PDE11A: variants seen among roughly 807,000 people sequenced by gnomAD.
PDE11A encodes the protein phosphodiesterase 11A.
In PDE11A, 100 loss-of-function variants were observed where a neutral mutation model predicts 100.5. The observed-to-expected ratio is 1.00, with a 90% CI of 0.85 to 1.18. The LOEUF (loss-of-function observed/expected upper bound fraction) is 1.18, where lower values mean the gene tolerates loss of function less well. Among genes scored for constraint, PDE11A ranks in the 50% most tolerant of loss-of-function variants. The pLI is 0.00. For missense variants in PDE11A, 1,141 were observed against 1,152.6 expected (o/e 0.99, Z 0.15); for synonymous variants, 381 against 420.8 (o/e 0.91, Z 1.16).
chr2:177,696,681 A>G (rs1187305460), intron 15 of PDE11A, among the ~76,000 whole-genome samples: 3 of 152,204 alleles, frequency 2.0e-5, no homozygotes, highest in African/African-American at 7.2e-5. Context: ...TAAAAAAGCA[A>G]TTAAAGATCT....
At chr2:177,942,035 A>C (rs1468920880) in intron 2 of PDE11A, among the ~76,000 whole-genome samples, 1 of 152,190 alleles carries the variant, frequency 6.6e-6, no homozygotes, top group East Asian at 1.9e-4. Flanking sequence ...TTCTGTAATG[A>C]GGGCCTTCCT....
rs2081363155 is a variant in PDE11A, at chr2:177,711,827, C to T, written c.2095G>A (p.Val699Met). The T allele has an allele frequency of 1.2e-6, 2 of 1,613,230 alleles. No homozygotes were observed. Among genetic ancestry groups the T allele is most frequent in the Admixed American group, 1.7e-5 (1 of 60,006 alleles). The stretch of plus-strand genomic sequence containing the variant: ...TCGAGGTCATGACACAGGCATCCCA[C>T]AATCACCGCTAAAATTTCCACCTCG... ...LTEVEILAVI[V>M]GCLCHDLDHR... The change falls in exon 13 of 20, where the codon GTG becomes ATG. Residue 699 changes from valine (V) to methionine (M), a missense_variant. Transcript: ENST00000286063.
At chr2:177,813,469 AT>A (rs536474349) in intron 9 of PDE11A, among the ~76,000 whole-genome samples, 150 of 151,928 alleles carry the variant, frequency 9.9e-4, no homozygotes, top group Non-Finnish European at 1.3e-3. Context: ...TTAAAGCCCT[AT>A]TTTTTTTAAG....
chr2:177,928,104 C>CAAAAAAA (rs59085357), intron 2 of PDE11A, among the ~76,000 whole-genome samples: 17 of 56,406 alleles, frequency 3.0e-4, no homozygotes, highest in African/African-American at 4.7e-4. Context: ...AACTCCATCT[C>CAAAAAAA]AAAAAAAAAA....
At chr2:177,782,890 C>T (rs1163012919) in intron 9 of PDE11A, among the ~76,000 whole-genome samples, 1 of 149,904 alleles carries the variant, frequency 6.7e-6, no homozygotes, top group East Asian at 2.0e-4. Flanking sequence ...TCTCCACTTG[C>T]TTTCTGAAAA....
At chr2:177,740,049 G>A (rs556519531) in intron 10 of PDE11A, among the ~76,000 whole-genome samples, 1 of 152,250 alleles carries the variant, frequency 6.6e-6, no homozygotes, top group East Asian at 1.9e-4. Context: ...TACACACTTC[G>A]TTTTTAATCT....
At chr2:177,658,232 T>C (rs1442064298) in intron 19 of PDE11A, among the ~76,000 whole-genome samples, 1 of 152,112 alleles carries the variant, frequency 6.6e-6, no homozygotes, top group African/African-American at 2.4e-5. Context: ...GGTACCTAGA[T>C]GTCAGCTGGG....
intron 9 of PDE11A, among the ~76,000 whole-genome samples, chr2:177,789,673 T>A (rs902650422): frequency 2.6e-5 from 4 of 152,138 alleles, no homozygotes; most frequent in Non-Finnish European, 5.9e-5. Flanking sequence ...CTTAAGGTGA[T>A]AAGCAACTTA....
intron 19 of PDE11A, among the ~76,000 whole-genome samples, chr2:177,630,362 C>T (rs1468646698): frequency 1.3e-5 from 2 of 152,192 alleles, no homozygotes; most frequent in African/African-American, 4.8e-5. Context: ...TGTCTCACCG[C>T]TCCTGGGTTG....
intron 10 of PDE11A, among the ~76,000 whole-genome samples, chr2:177,736,012 T>C (rs1328278749): frequency 6.6e-6 from 1 of 152,230 alleles, no homozygotes; most frequent in Non-Finnish European, 1.5e-5. Context: ...CTTTCTTTGC[T>C]GCACTCAACA....
At chr2:177,868,595 T>C (rs545141060) in intron 5 of PDE11A, among the ~76,000 whole-genome samples, 40 of 152,296 alleles carry the variant, frequency 2.6e-4, no homozygotes, top group African/African-American at 7.9e-4. Flanking sequence ...AAATAAAGAA[T>C]GTCACTCTTC....
intron 1 of PDE11A, among the ~76,000 whole-genome samples, chr2:178,056,716 T>C (rs1400575230): frequency 6.6e-6 from 1 of 152,206 alleles, no homozygotes; most frequent in Non-Finnish European, 1.5e-5. Flanking sequence ...AAAAAAATAA[T>C]TGTTTTATGA....
At chr2:177,767,261 T>C (rs1489391347) in intron 10 of PDE11A, among the ~76,000 whole-genome samples, 1 of 151,580 alleles carries the variant, frequency 6.6e-6, no homozygotes, top group Non-Finnish European at 1.5e-5. Context: ...ACCCGGGAGG[T>C]GGAGGTTGCA....
At chr2:178,058,012 C>T (rs1440793206) in intron 1 of PDE11A, among the ~76,000 whole-genome samples, 2 of 152,088 alleles carry the variant, frequency 1.3e-5, no homozygotes, top group Non-Finnish European at 2.9e-5. Flanking sequence ...CACCTGCCAC[C>T]GTGCCCGGCC....
chr2:177,845,400 G>A (rs1226614654), intron 5 of PDE11A, among the ~76,000 whole-genome samples: 23 of 149,700 alleles, frequency 1.5e-4, no homozygotes, highest in African/African-American at 4.2e-4. Flanking sequence ...ACGGGGCAGC[G>A]GGGCAGAGGC....
intron 13 of PDE11A, among the ~76,000 whole-genome samples, chr2:177,707,872 A>G (rs1446376991): frequency 1.3e-5 from 2 of 152,172 alleles, no homozygotes; most frequent in African/African-American, 4.8e-5. Context: ...AGTATTGGGC[A>G]CTTCACTCTT....
rs546597836 is a variant in PDE11A at position 177,946,116 on chromosome 2, C to T, written c.1072-40929G>A. On this transcript the variant is annotated intron_variant, in intron 2 of 19. Coordinates refer to ENST00000286063, the MANE Select transcript of PDE11A (RefSeq NM_016953.4). ...GGATGGAGGTGGGGGGGGGTCAGCC[C>T]TCCGCCCGGCCAGCCGCCCCGTCTG... 5.5e-3 allele frequency among the ~76,000 whole-genome samples: 678 copies of T among 124,300 alleles called. 9 individuals carry two copies. Among genetic ancestry groups the T allele is most frequent in the Non-Finnish European group, 0.01 (574 of 57,264 alleles). 81.5% of individuals were successfully genotyped at this position (124,300 alleles called of 152,430 possible).
At chr2:177,842,853 G>A (rs2083513136) in intron 5 of PDE11A, among the ~76,000 whole-genome samples, 3 of 146,928 alleles carry the variant, frequency 2.0e-5, no homozygotes, top group Non-Finnish European at 4.6e-5. Context: ...CAGATATTCT[G>A]TAAGCCTGGG....
chr2:178,041,284 C>T (rs1400930078), intron 1 of PDE11A, among the ~76,000 whole-genome samples: 1 of 149,644 alleles, frequency 6.7e-6, no homozygotes, highest in African/African-American at 2.5e-5. Flanking sequence ...TGCTCTGTCA[C>T]CCAGGCTGGA....
Sources: gnomAD v4.1 joint callset for allele counts (sites outside exome capture counted in the v4.1 genomes callset) on GRCh38, gnomAD v4.1.1 for gene constraint, MANE v1.5 for transcripts, NCBI Gene and HGNC (gene_info 2026-07-23, HGNC 2026-07-21) for gene names.